Variants in ADGRB3 observed in about 807,000 individuals in gnomAD.
ADGRB3 encodes the protein adhesion G protein-coupled receptor B3, also known as brain-specific angiogenesis inhibitor 3.
A neutral mutation model predicts 193.4 loss-of-function variants in ADGRB3; 37 were observed. The ratio of observed to expected loss-of-function variants is 0.19; its 90% CI spans 0.15 to 0.25. ADGRB3 has a LOEUF of 0.25. Among genes scored for constraint, ADGRB3 ranks in the 10% least tolerant of loss-of-function variants. The pLI is 1.00. For missense variants in ADGRB3, 1,637 were observed against 1,852.9 expected, an observed-to-expected ratio of 0.88 and a Z score of 2.14; for synonymous variants, 690 against 644.2, an observed-to-expected ratio of 1.07 and a Z score of -1.08.
At chr6:69,351,769 T>G (rs1205710716) in intron 26 of ADGRB3, among the ~76,000 whole-genome samples, 1 of 152,178 alleles carries the variant, frequency 6.6e-6, no homozygotes, top group African/African-American at 2.4e-5. Flanking sequence ...TAAGAGTTGA[T>G]TTTGAAAAGA....
chr6:68,751,434 C>T (rs1766196724), intron 3 of ADGRB3, among the ~76,000 whole-genome samples: 1 of 152,068 alleles, frequency 6.6e-6, no homozygotes, highest in Admixed American at 6.6e-5. Context: ...CTTTCCCAGT[C>T]ACAGTTCAGT....
At position 68,807,972 on chromosome 6, in the gene ADGRB3, T is replaced by C. The variant is rs113497235; in HGVS notation, c.758-122587T>C. Among the ~76,000 whole-genome samples, 419 of 152,294 alleles carry C rather than the reference T, an allele frequency of 2.8e-3. 1 individual carries two copies. The highest frequency in any genetic ancestry group is 9.6e-3 in the African/African-American group (399 of 41,572). On this transcript the variant is annotated intron_variant, in intron 3 of 31. Coordinates refer to ENST00000370598, the MANE Select transcript of ADGRB3 (RefSeq NM_001704.3). ...GGGTGTCTCACTTCAGAGATGACTT[T>C]CCTAACTTTAATATCTTTTTACAAT...
chr6:69,101,960 C>T (rs1329996495), intron 17 of ADGRB3, among the ~76,000 whole-genome samples: 4 of 152,102 alleles, frequency 2.6e-5, no homozygotes, highest in East Asian at 1.9e-4. Context: ...GAGGCTGAGG[C>T]GGGCGGATCA....
chr6:68,689,836 C>CAAAT (rs1235811845), intron 3 of ADGRB3, among the ~76,000 whole-genome samples: 2 of 152,026 alleles, frequency 1.3e-5, no homozygotes, highest in Admixed American at 1.3e-4. Flanking sequence ...ATTTAAGTAC[C>CAAAT]AAATACCTTA....
At chr6:69,294,119 C>A (rs1318865626) in intron 20 of ADGRB3, among the ~76,000 whole-genome samples, 2 of 152,050 alleles carry the variant, frequency 1.3e-5, no homozygotes, top group Non-Finnish European at 2.9e-5. Context: ...TTCCATGCCT[C>A]AAAACACCTG....
rs1768775247 is a variant in ADGRB3, at chr6:68,665,341, T to G, written c.757+25909T>G. On this transcript the variant is annotated intron_variant, in intron 3 of 31. Transcript: ENST00000370598. Reference sequence around the variant, plus strand: ...GTTTTTCTTTCTCTTTATATTTGTTTTGTTGTGCCAATTGGGTTTCAAGAG... The same window carrying G: ...GTTTTTCTTTCTCTTTATATTTGTTGTGTTGTGCCAATTGGGTTTCAAGAG... 2.0e-5 allele frequency among the ~76,000 whole-genome samples: 3 copies of G among 151,796 alleles called. No homozygotes were observed. In the South Asian group the frequency reaches 6.3e-4, roughly 32 times the overall value.
At chr6:68,891,730 G>T (rs1766082644) in intron 3 of ADGRB3, among the ~76,000 whole-genome samples, 1 of 152,120 alleles carries the variant, frequency 6.6e-6, no homozygotes, top group Non-Finnish European at 1.5e-5. Context: ...CTATGAAGTT[G>T]TTCAACTGGC....
intron 12 of ADGRB3, among the ~76,000 whole-genome samples, chr6:69,014,318 C>T (rs190418082): frequency 3.8e-4 from 57 of 151,720 alleles, no homozygotes; most frequent in Admixed American, 3.7e-3. Flanking sequence ...CAAGTTTAAG[C>T]AACTTAAAAC....
rs369349488 is a variant in ADGRB3, at chr6:68,693,387, GT to G, written c.757+53960del. ...TTAAAAATGTCAACAATGAAATAAT[GT>G]TTTTAGAAGGCCTCTTAAAAATCAA... On this transcript the variant is annotated intron_variant, in intron 3 of 31. Coordinates refer to ENST00000370598, the MANE Select transcript of ADGRB3 (RefSeq NM_001704.3). Among the ~76,000 whole-genome samples, 451 of 151,936 alleles carry G rather than the reference GT, an allele frequency of 3.0e-3. 4 individuals carry two copies. The highest frequency in any genetic ancestry group is 0.01 in the African/African-American group (435 of 41,494).
intron 17 of ADGRB3, among the ~76,000 whole-genome samples, chr6:69,092,497 A>C (rs536139011): frequency 1.5e-4 from 23 of 152,282 alleles, no homozygotes; most frequent in Non-Finnish European, 3.1e-4. Context: ...ACCTCTGCAC[A>C]CAGAAAGTTA....
intron 17 of ADGRB3, among the ~76,000 whole-genome samples, chr6:69,183,808 A>G (rs1172409052): frequency 2.0e-5 from 3 of 152,112 alleles, no homozygotes; most frequent in African/African-American, 7.2e-5. Flanking sequence ...AATTAATTTC[A>G]TTGACATGAA....
chr6:69,145,989 C>T (rs1774480771), intron 17 of ADGRB3, among the ~76,000 whole-genome samples: 1 of 152,144 alleles, frequency 6.6e-6, no homozygotes, highest in South Asian at 2.1e-4. Flanking sequence ...GTTCCCACTC[C>T]AGTCCACGGG....
intron 3 of ADGRB3, among the ~76,000 whole-genome samples, chr6:68,683,458 G>A (rs1023982535): frequency 1.1e-4 from 17 of 152,042 alleles, no homozygotes; most frequent in Non-Finnish European, 1.5e-5. Context: ...TTAAAAGTTG[G>A]CTTACAAAAA....
chr6:69,282,450 T>C (rs1582602677), intron 20 of ADGRB3, among the ~76,000 whole-genome samples: 1 of 152,342 alleles, frequency 6.6e-6, no homozygotes, highest in Non-Finnish European at 1.5e-5. Flanking sequence ...AAATTACTTT[T>C]GTCAAAAGTG....
chr6:68,965,837 T>C (rs761058048), intron 8 of ADGRB3, among the ~76,000 whole-genome samples: 1 of 152,202 alleles, frequency 6.6e-6, no homozygotes, highest in Non-Finnish European at 1.5e-5. Flanking sequence ...CGTATGCTTT[T>C]ATGTTCAGTC....
At chr6:68,785,712 G>T (rs1205761223) in intron 3 of ADGRB3, among the ~76,000 whole-genome samples, 3 of 152,070 alleles carry the variant, frequency 2.0e-5, no homozygotes, top group African/African-American at 4.8e-5. Flanking sequence ...TCTAGTTCTA[G>T]ATCCCTGAGA....
intron 17 of ADGRB3, among the ~76,000 whole-genome samples, chr6:69,175,957 T>TA (rs1194221285): frequency 6.6e-6 from 1 of 152,212 alleles, no homozygotes; most frequent in African/African-American, 2.4e-5. Context: ...TATTGGTGTA[T>TA]AGAAATGCTA....
At chr6:69,343,724 A>C (rs1769027896) in intron 26 of ADGRB3, among the ~76,000 whole-genome samples, 1 of 152,184 alleles carries the variant, frequency 6.6e-6, no homozygotes, top group South Asian at 2.1e-4. Flanking sequence ...AACAAAAGAC[A>C]AAAAGAGGAA....
In ADGRB3 at chr6:69,150,043, T is replaced by C. The variant is rs201960855; in HGVS notation, c.2480+74005T>C. Among the ~76,000 whole-genome samples the C allele has an allele frequency of 8.6e-5, 13 of 151,994 alleles. No individual in the cohort carries two copies. The East Asian group carries it at 2.5e-3, about 30-fold the overall frequency. On this transcript the variant is annotated intron_variant, in intron 17 of 31. Coordinates refer to ENST00000370598, the MANE Select transcript of ADGRB3 (RefSeq NM_001704.3). The stretch of plus-strand genomic sequence containing the variant: ...GTGGCCACAACCACGGGGACTTCTC[T>C]GGGTCAGACCTGAAGCGAAAACAAC...
Sources: allele counts gnomAD v4.1 joint callset (sites outside exome capture counted in the v4.1 genomes callset), GRCh38; gene constraint gnomAD v4.1.1; transcripts MANE v1.5; gene names NCBI Gene and HGNC (gene_info 2026-07-23, HGNC 2026-07-21).